Variants in MLIP observed in about 807,000 individuals in gnomAD.
MLIP encodes the protein muscular LMNA interacting protein.
MLIP carries 79 observed loss-of-function variants against 84.8 expected under a neutral mutation model. That is an observed-to-expected ratio of 0.93 (90% confidence interval 0.78 to 1.12). MLIP has a LOEUF of 1.12. MLIP is among the 50% of genes most tolerant of loss of function. The probability of loss-of-function intolerance (pLI) is 0.00; values close to 1 mark genes in which losing one functional copy is unlikely to be tolerated. For missense variants in MLIP, 1,257 were observed against 1,160.6 expected (o/e 1.08, Z -1.21); for synonymous variants, 504 against 463.0 (o/e 1.09, Z -1.14).
chr6:54,100,513 A>G (rs1273201713), intron 1 of MLIP, among the ~76,000 whole-genome samples: 1 of 152,090 alleles, frequency 6.6e-6, no homozygotes, highest in Non-Finnish European at 1.5e-5. Flanking sequence ...TTGAAATACT[A>G]GTCATTTCTG....
chr6:54,023,170 A>AAT (rs1763599353), intron 1 of MLIP, among the ~76,000 whole-genome samples: 4 of 103,064 alleles, frequency 3.9e-5, no homozygotes, highest in African/African-American at 8.3e-5. Flanking sequence ...CCATCTCAAA[A>AAT]AATAATAATA....
intron 1 of MLIP, among the ~76,000 whole-genome samples, chr6:54,036,621 T>A (rs1011018700): frequency 6.6e-6 from 1 of 152,020 alleles, no homozygotes; most frequent in African/African-American, 2.4e-5. Context: ...AAGGAAACTT[T>A]TGTACATTTC....
rs1185648766 is a variant in MLIP at position 54,124,439 on chromosome 6, T to C, written c.253-34T>C. The C allele has an allele frequency of 7.0e-6, 11 of 1,560,578 alleles. No individual in the cohort carries two copies. The East Asian group carries it at 2.0e-4, about 29-fold the overall frequency. On this transcript the variant is annotated intron_variant, in intron 2 of 13. Transcript: ENST00000502396. ...AAAAAAGAAGCATTTATTAAACTAA[T>C]GTCAATGCTTTTATCTCTCTACATC...
At chr6:54,200,492 A>C (rs1778597106) in intron 10 of MLIP, among the ~76,000 whole-genome samples, 1 of 151,938 alleles carries the variant, frequency 6.6e-6, no homozygotes, top group Non-Finnish European at 1.5e-5. Flanking sequence ...GAAGAAATGA[A>C]GCAGGAAGTC....
intron 12 of MLIP, among the ~76,000 whole-genome samples, chr6:54,237,154 AAGG>A (rs1781418883): frequency 6.6e-6 from 1 of 151,870 alleles, no homozygotes; most frequent in South Asian, 2.1e-4. Flanking sequence ...GGACTGAGAC[AAGG>A]AGGAGAGGCA....
chr6:54,062,791 T>C (rs1253494320), intron 1 of MLIP, among the ~76,000 whole-genome samples: 1 of 152,230 alleles, frequency 6.6e-6, no homozygotes, highest in Non-Finnish European at 1.5e-5. Context: ...AAGTAAAGTT[T>C]AAGACAGCCT....
Position 54,263,649 on chromosome 6 carries a change from A to C in MLIP, c.2977-2301A>C, listed in dbSNP as rs369645301. Among the ~76,000 whole-genome samples the C allele has an allele frequency of 2.2e-4, 34 of 152,202 alleles. 1 individual carries two copies. In the South Asian group the frequency reaches 4.1e-3, roughly 19 times the overall value. ...CTCACACAGCACATTCTTTTAAAAA[A>C]TGCTTTCTGTAACATTGGCTTAATG... On this transcript the variant is annotated intron_variant, in intron 13 of 13. Transcript: ENST00000502396.
chr6:54,130,904 G>T (rs945809290), intron 3 of MLIP, among the ~76,000 whole-genome samples: 8 of 152,126 alleles, frequency 5.3e-5, no homozygotes, highest in African/African-American at 1.9e-4. Context: ...CTAGGAAAGA[G>T]TAATGAAATA....
intron 12 of MLIP, among the ~76,000 whole-genome samples, chr6:54,254,133 T>G (rs1272429268): frequency 2.0e-5 from 3 of 150,382 alleles, no homozygotes; most frequent in Non-Finnish European, 3.0e-5. Context: ...TTTGCTGTTT[T>G]TTTTTTTTTT....
chr6:54,122,354 C>G (rs141183094), intron 2 of MLIP, among the ~76,000 whole-genome samples: 16 of 152,108 alleles, frequency 1.1e-4, no homozygotes, highest in African/African-American at 3.6e-4. Context: ...TTGATTGTAC[C>G]TATCTAAAAT....
chr6:54,179,007 G>T (rs1393137603), intron 9 of MLIP, among the ~76,000 whole-genome samples: 1 of 152,138 alleles, frequency 6.6e-6, no homozygotes, highest in African/African-American at 2.4e-5. Context: ...GAAGTCTCCA[G>T]CTATTATTGC....
chr6:54,162,189 G>A (rs548195556), intron 8 of MLIP, among the ~76,000 whole-genome samples: 8 of 152,096 alleles, frequency 5.3e-5, no homozygotes, highest in African/African-American at 1.9e-4. Flanking sequence ...TGAATGTAGT[G>A]ATCAAGGGGT....
chr6:54,157,854 A>G (rs961154562), intron 5 of MLIP, among the ~76,000 whole-genome samples: 1 of 152,184 alleles, frequency 6.6e-6, no homozygotes, highest in African/African-American at 2.4e-5. Context: ...AGCACAAAAT[A>G]GATTTTTGTT....
Position 54,223,491 on chromosome 6 carries a change from C to G in MLIP, c.2719-7223C>G, listed in dbSNP as rs140739163. On this transcript the variant is annotated intron_variant, in intron 11 of 13. Coordinates refer to ENST00000502396, the MANE Select transcript of MLIP (RefSeq NM_001281747.2). ...ATGAGGACATACAGTTTTCACCACA[C>G]CATTTATTGAGGAGACTATCCTTTC... is the stretch of plus-strand genomic sequence containing the variant. 4.9e-4 allele frequency among the ~76,000 whole-genome samples: 75 copies of G among 152,172 alleles called. 1 individual carries two copies. Among genetic ancestry groups the G allele is most frequent in the African/African-American group, 1.7e-3 (69 of 41,546 alleles).
intron 1 of MLIP, among the ~76,000 whole-genome samples, chr6:54,054,244 G>A (rs555758150): frequency 3.3e-5 from 5 of 152,184 alleles, no homozygotes; most frequent in African/African-American, 1.2e-4. Context: ...AGTGCTTCCC[G>A]GCAAGCAGCT....
At chr6:54,052,159 G>A (rs1765411627) in intron 1 of MLIP, among the ~76,000 whole-genome samples, 1 of 152,138 alleles carries the variant, frequency 6.6e-6, no homozygotes, top group African/African-American at 2.4e-5. Context: ...ACGCTGACTT[G>A]CCTAGTTTAG....
intron 1 of MLIP, among the ~76,000 whole-genome samples, chr6:54,037,162 T>C (rs1377494033): frequency 1.3e-5 from 2 of 151,986 alleles, no homozygotes; most frequent in African/African-American, 4.8e-5. Flanking sequence ...TTTATCTTCT[T>C]TGGTGGATAC....
intron 9 of MLIP, among the ~76,000 whole-genome samples, chr6:54,188,627 C>A (rs1308413236): frequency 2.0e-5 from 3 of 152,122 alleles, no homozygotes; most frequent in Non-Finnish European, 4.4e-5. Context: ...GGTCCATCAT[C>A]AACTGAAACA....
At chr6:54,175,177 A>G (rs1776161683) in intron 9 of MLIP, among the ~76,000 whole-genome samples, 1 of 151,708 alleles carries the variant, frequency 6.6e-6, no homozygotes, top group Admixed American at 6.6e-5. Flanking sequence ...GGAGTCAGAT[A>G]ATGACTCCTC....
Sources: allele counts gnomAD v4.1 joint callset (sites outside exome capture counted in the v4.1 genomes callset), GRCh38; gene constraint gnomAD v4.1.1; transcripts MANE v1.5; gene names NCBI Gene and HGNC (gene_info 2026-07-23, HGNC 2026-07-21).